ATG7: variants seen among roughly 807,000 people sequenced by gnomAD.
ATG7 encodes the protein ubiquitin-like modifier-activating enzyme ATG7.
In ATG7, 70 loss-of-function variants were observed where a neutral mutation model predicts 82.4. That is an observed-to-expected ratio of 0.85 (90% CI 0.70 to 1.04). The LOEUF (loss-of-function observed/expected upper bound fraction) is 1.04, where lower values mean the gene tolerates loss of function less well. Ranked by LOEUF, ATG7 falls within the 50% of genes least tolerant of loss-of-function variation. ATG7 has a pLI of 0.00. For missense variants in ATG7, 792 were observed against 864.3 expected (o/e 0.92, Z 1.05); for synonymous variants, 287 against 313.0 (o/e 0.92, Z 0.88).
rs1172390356 is a variant in ATG7 at position 11,409,096 on chromosome 3, C to T, written c.1957-17708C>T. 3.3e-5 allele frequency among the ~76,000 whole-genome samples: 5 copies of T among 152,228 alleles called. No homozygotes were observed. In the South Asian group the frequency reaches 6.2e-4, roughly 19 times the overall value. ...GTAAATAGTTTCTCGTGGCCTGCAG[C>T]TGGTCTTTTCATCCTTCTGATAGTT... On this transcript the variant is annotated intron_variant, in intron 19 of 20. Transcript: ENST00000693202.
chr3:11,427,809 C>T (rs1413364657), intron 20 of ATG7, among the ~76,000 whole-genome samples: 5 of 79,152 alleles, frequency 6.3e-5, no homozygotes, highest in South Asian at 6.5e-4. Context: ...TGCGAGACTC[C>T]GTCTCAAAAA....
intron 19 of ATG7, among the ~76,000 whole-genome samples, chr3:11,398,491 A>G (rs962812213): frequency 6.6e-6 from 1 of 152,256 alleles, no homozygotes; most frequent in African/African-American, 2.4e-5. Flanking sequence ...TAAGGATGAC[A>G]TAATGGAAAT....
chr3:11,307,107 G>A (rs1310158041), intron 6 of ATG7, 47 bp downstream of exon 6: 1 of 1,546,566 alleles, frequency 6.5e-7, no homozygotes. Flanking sequence ...CTGTGGTCCT[G>A]GCAGGTGCAG....
At chr3:11,574,833 G>A in the ATG7 span, among the ~76,000 whole-genome samples, 1 of 141,550 alleles carries the variant, frequency 7.1e-6, no homozygotes, top group African/African-American at 2.7e-5. Context: ...GTGTGTGTGT[G>A]TGTGTATTTT....
intron 5 of ATG7, among the ~76,000 whole-genome samples, chr3:11,302,978 C>A (rs1488380230): frequency 6.6e-6 from 1 of 152,206 alleles, no homozygotes; most frequent in Non-Finnish European, 1.5e-5. Context: ...TGTAAGGGCC[C>A]AAACACTAAG....
At chr3:11,573,243 T>G in the ATG7 span, among the ~76,000 whole-genome samples, 13,381 of 42,788 alleles carry the variant, frequency 0.31, 1,938 homozygotes, top group African/African-American at 0.55. Flanking sequence ...AGAAAAGAAA[T>G]AGAGAAAGAA....
At chr3:11,464,647 C>T (rs1329641974) in intron 20 of ATG7, among the ~76,000 whole-genome samples, 4 of 152,154 alleles carry the variant, frequency 2.6e-5, no homozygotes, top group Admixed American at 6.5e-5. Context: ...TTAAATATCC[C>T]CCAAACGAAA....
intron 5 of ATG7, among the ~76,000 whole-genome samples, chr3:11,306,475 TGA>T (rs1947758722): frequency 6.6e-6 from 1 of 152,204 alleles, no homozygotes; most frequent in Admixed American, 6.5e-5. Context: ...TGGGAGGGTC[TGA>T]GAGGTGGCGT....
chr3:11,558,572 G>C (rs1485935279), downstream of ATG7: 13 of 1,602,686 alleles, frequency 8.1e-6, no homozygotes, highest in Non-Finnish European at 1.1e-5. Context: ...GACCACAGAG[G>C]GGGAGTGACT....
At chr3:11,510,112 C>T (rs1575124875) in intron 20 of ATG7, 1 of 388,958 alleles carries the variant, frequency 2.6e-6, no homozygotes, top group Middle Eastern at 3.6e-4. Flanking sequence ...CAGCTGGTGT[C>T]TGCAGAAATT....
At chr3:11,530,949 C>A (rs2092682914) in intron 20 of ATG7, among the ~76,000 whole-genome samples, 2 of 152,142 alleles carry the variant, frequency 1.3e-5, no homozygotes. Flanking sequence ...CCACTGCACT[C>A]CAGCCTGGGT....
the ATG7 span, among the ~76,000 whole-genome samples, chr3:11,573,695 C>T: frequency 1.1e-4 from 17 of 152,220 alleles, no homozygotes; most frequent in Admixed American, 9.2e-4. Flanking sequence ...CAGTTACCAG[C>T]GCAGTTGAGC....
chr3:11,516,787 A>G (rs904367373), intron 20 of ATG7, among the ~76,000 whole-genome samples: 2 of 152,212 alleles, frequency 1.3e-5, no homozygotes, highest in African/African-American at 4.8e-5. Context: ...GTTTAAATGC[A>G]TATTACTAAA....
intron 20 of ATG7, among the ~76,000 whole-genome samples, chr3:11,438,931 C>T (rs2152963564): frequency 6.6e-6 from 1 of 152,288 alleles, no homozygotes; most frequent in Admixed American, 6.5e-5. Context: ...TGTATTTTTA[C>T]AGCTGACCCT....
chr3:11,391,839 C>T (rs553472692), intron 19 of ATG7, among the ~76,000 whole-genome samples: 4 of 152,028 alleles, frequency 2.6e-5, no homozygotes, highest in Non-Finnish European at 5.9e-5. Context: ...GCATTAGGCT[C>T]AGAGAAATTA....
chr3:11,407,188 C>T (rs907282132), intron 19 of ATG7, among the ~76,000 whole-genome samples: 1 of 152,194 alleles, frequency 6.6e-6, no homozygotes, highest in African/African-American at 2.4e-5. Context: ...AACAAAGGAG[C>T]TCAGGCTCCA....
At chr3:11,445,741 G>A (rs942805600) in intron 20 of ATG7, among the ~76,000 whole-genome samples, 1 of 152,104 alleles carries the variant, frequency 6.6e-6, no homozygotes, top group African/African-American at 2.4e-5. Flanking sequence ...TTCCAAAGCA[G>A]TTCACTGACT....
downstream of ATG7, among the ~76,000 whole-genome samples, chr3:11,561,828 G>A (rs188424015): frequency 3.6e-4 from 54 of 151,872 alleles, no homozygotes; most frequent in African/African-American, 1.1e-3. Context: ...AGGCTGCCCC[G>A]GGGGAGAGGG....
intron 9 of ATG7, among the ~76,000 whole-genome samples, chr3:11,320,446 C>A (rs1389167115): frequency 6.6e-6 from 1 of 152,132 alleles, no homozygotes; most frequent in Non-Finnish European, 1.5e-5. Flanking sequence ...CGCCACCACA[C>A]CTGGCTAATT....
Sources: allele counts gnomAD v4.1 joint callset (sites outside exome capture counted in the v4.1 genomes callset), GRCh38; gene constraint gnomAD v4.1.1; transcripts MANE v1.5; gene names NCBI Gene and HGNC (gene_info 2026-07-23, HGNC 2026-07-21).